MBNL3: variants seen among roughly 807,000 people sequenced by gnomAD.
MBNL3 encodes the protein muscleblind like splicing regulator 3.
In MBNL3, 6 loss-of-function variants were observed where a neutral mutation model predicts 24.5. The observed-to-expected ratio is 0.25, with a 90% confidence interval of 0.13 to 0.48. MBNL3 has a LOEUF of 0.48. Among genes scored for constraint, MBNL3 ranks in the 20% least tolerant of loss-of-function variants. MBNL3 has a pLI of 0.99. For missense variants in MBNL3, 230 were observed against 293.5 expected (o/e 0.78, Z 1.58); for synonymous variants, 100 against 101.7 (o/e 0.98, Z 0.10).
intron 7 of MBNL3, 56 bp from the exon 8 acceptor site, chrX:132,382,328 C>A (rs746311942): frequency 9.2e-6 from 9 of 979,275 alleles, no homozygotes; most frequent in Non-Finnish European, 1.3e-5. Flanking sequence ...TTTATGCAAC[C>A]ATAACATTTA....
intron 2 of MBNL3, among the ~76,000 whole-genome samples, chrX:132,428,027 C>G (rs909738367): frequency 9.0e-6 from 1 of 110,639 alleles, no homozygotes; most frequent in African/African-American, 3.3e-5. Flanking sequence ...TATTTTCTAC[C>G]AATTTCCAGT....
intron 1 of MBNL3, among the ~76,000 whole-genome samples, chrX:132,476,443 C>T (rs1287909545): frequency 7.2e-5 from 8 of 111,248 alleles, no homozygotes; most frequent in Non-Finnish European, 1.1e-4. Context: ...ATGAGGAATG[C>T]GGTATAAGGA....
chrX:132,413,055 T>C (rs1942946227), intron 2 of MBNL3, among the ~76,000 whole-genome samples: 1 of 112,408 alleles, frequency 8.9e-6, no homozygotes, highest in Non-Finnish European at 1.9e-5. Context: ...CAGAAAATCA[T>C]ATAACTTCAA....
At chrX:132,482,476 T>C (rs1947791570) in intron 1 of MBNL3, among the ~76,000 whole-genome samples, 1 of 111,648 alleles carries the variant, frequency 9.0e-6, no homozygotes, top group Non-Finnish European at 1.9e-5. Context: ...TCAACTCATC[T>C]TCTATGGCGA....
intron 2 of MBNL3, among the ~76,000 whole-genome samples, chrX:132,409,104 C>T (rs1289113571): frequency 2.7e-5 from 3 of 112,005 alleles, no homozygotes; most frequent in Admixed American, 9.5e-5. Flanking sequence ...TTTTTCAAAA[C>T]GACTTTAGAA....
intron 1 of MBNL3, among the ~76,000 whole-genome samples, chrX:132,475,616 A>G (rs1225302330): frequency 8.9e-6 from 1 of 112,418 alleles, no homozygotes; most frequent in East Asian, 2.8e-4. Context: ...TAATTGTTCA[A>G]TAAATGTCAG....
intron 6 of MBNL3, among the ~76,000 whole-genome samples, chrX:132,385,819 A>AATT (rs1468151859): frequency 9.0e-6 from 1 of 110,507 alleles, no homozygotes; most frequent in African/African-American, 3.3e-5. Context: ...AGGATTTCTA[A>AATT]ATTATTTTTT....
intron 3 of MBNL3, among the ~76,000 whole-genome samples, chrX:132,402,307 G>A (rs779919003): frequency 8.9e-6 from 1 of 112,330 alleles, no homozygotes; most frequent in African/African-American, 3.2e-5. Context: ...GACAGGTGTA[G>A]ATATGCAAAA....
chrX:132,385,067 C>T (rs1235932089), intron 6 of MBNL3, among the ~76,000 whole-genome samples: 1 of 110,508 alleles, frequency 9.0e-6, no homozygotes, highest in African/African-American at 3.3e-5. Flanking sequence ...ATCTGGTGTC[C>T]GTGTTTCTAT....
chrX:132,436,221 T>C (rs985074935), intron 2 of MBNL3, among the ~76,000 whole-genome samples: 9 of 111,746 alleles, frequency 8.1e-5, no homozygotes, highest in African/African-American at 2.9e-4. Context: ...TATGAGACCA[T>C]TCTATGTAGC....
At chrX:132,452,854 A>AATG (rs1946181580) in intron 1 of MBNL3, among the ~76,000 whole-genome samples, 1 of 112,413 alleles carries the variant, frequency 8.9e-6, no homozygotes, top group African/African-American at 3.2e-5. Flanking sequence ...GTCTGCAAAC[A>AATG]ATGCAGACAA....
chrX:132,459,944 A>T (rs755715565), intron 1 of MBNL3, among the ~76,000 whole-genome samples: 1 of 111,705 alleles, frequency 9.0e-6, no homozygotes, highest in East Asian at 2.8e-4. Context: ...TGAGCCAATT[A>T]TAGTATTTAT....
At position 132,369,370 on chromosome X, in the gene MBNL3, C is replaced by T. The variant is rs1427945308; in HGVS notation, c.*10296G>A. The T allele has an allele frequency of 8.9e-6, 1 of 111,878 alleles. No homozygotes were observed. Among genetic ancestry groups the T allele is most frequent in the African/African-American group, 3.2e-5 (1 of 30,776 alleles). The allele number at this position is 111,878 out of a possible 1,213,427, so 9.2% of individuals were successfully genotyped here. A position where few individuals can be genotyped will look rare whatever the true frequency, so the allele number is the denominator to read the frequency against. On this transcript the variant is annotated 3_prime_UTR_variant, in exon 9 of 9. Transcript: ENST00000370853. ...AGTGAAATGGTTAACAAAGGCACAT[C>T]AATAACCACTTACTATATATACAGA...
chrX:132,414,960 A>G (rs1005827376), intron 2 of MBNL3, among the ~76,000 whole-genome samples: 3 of 111,436 alleles, frequency 2.7e-5, no homozygotes, highest in Non-Finnish European at 5.7e-5. Flanking sequence ...ACATCCCACA[A>G]TCACCTTCCC....
At chrX:132,405,880 C>CAAAAA (rs58288015) in intron 3 of MBNL3, among the ~76,000 whole-genome samples, 6 of 32,780 alleles carry the variant, frequency 1.8e-4, no homozygotes, top group Admixed American at 4.2e-4. Flanking sequence ...TCTGTCTCAC[C>CAAAAA]AAAAAAAAAA....
chrX:132,379,762 C>T (rs983736058), intron 8 of MBNL3, 85 bp from the exon 9 acceptor site: 1 of 760,923 alleles, frequency 1.3e-6, no homozygotes, highest in African/African-American at 2.1e-5. Context: ...TGTGGTGGGT[C>T]TTGTTCCAGT....
intron 2 of MBNL3, among the ~76,000 whole-genome samples, chrX:132,420,484 G>A (rs769148646): frequency 9.0e-6 from 1 of 111,665 alleles, no homozygotes; most frequent in African/African-American, 3.3e-5. Flanking sequence ...ACCCAAAGGG[G>A]GTTGCCATTG....
rs1224224430 is a variant in MBNL3 at position 132,375,227 on chromosome X, T to A, written c.*4439A>T. The A allele has an allele frequency of 8.9e-6, 1 of 111,960 alleles. No homozygotes were observed. The highest frequency in any genetic ancestry group is 1.9e-5 in the Non-Finnish European group (1 of 53,059). The allele number at this position is 111,960 out of a possible 1,213,427, so 9.2% of individuals were successfully genotyped here. ...ATACACAAATGTCTAAAGGTAGCCA[T>A]GTTGTAATTTTGTTGCCAAAGCAAC... On this transcript the variant is annotated 3_prime_UTR_variant, in exon 9 of 9. Transcript: ENST00000370853.
At position 132,407,522 on chromosome X, in the gene MBNL3, C is replaced by G. The variant is rs768284179; in HGVS notation, c.178-1130G>C. 4.5e-5 allele frequency among the ~76,000 whole-genome samples: 5 copies of G among 112,266 alleles called. No individual in the cohort carries two copies. The South Asian group carries it at 1.8e-3, about 41-fold the overall frequency. On this transcript the variant is annotated intron_variant, in intron 2 of 8. Transcript: ENST00000370853. ...TTTTATGTACTTTTATATTTCTATG[C>G]AAACCTTGGAGAAAGAATAATTTAT...
Sources: allele counts gnomAD v4.1 joint callset (sites outside exome capture counted in the v4.1 genomes callset), GRCh38; gene constraint gnomAD v4.1.1; transcripts MANE v1.5; gene names NCBI Gene and HGNC (gene_info 2026-07-23, HGNC 2026-07-21).